The following KSR2 variants were observed in gnomAD, a reference collection of about 807,000 sequenced individuals.
KSR2 encodes kinase suppressor of ras 2.
In KSR2, 25 loss-of-function variants were observed where a neutral mutation model predicts 107.8. That is an observed-to-expected ratio of 0.23 (90% CI 0.17 to 0.32). The LOEUF is 0.32. KSR2 is among the 10% of genes least tolerant of loss of function. The probability of loss-of-function intolerance (pLI) is 1.00; values close to 1 mark genes in which losing one functional copy is unlikely to be tolerated. For missense variants in KSR2, 887 were observed against 1,268.9 expected (o/e 0.70, Z 4.57); for synonymous variants, 480 against 507.0 (o/e 0.95, Z 0.71).
chr12:117,857,993 G>A lies in KSR2; in HGVS notation c.321+2298C>T, dbSNP rs142835126. On this transcript the variant is annotated intron_variant, in intron 2 of 19. Transcript: ENST00000339824. ...AGAGCCAAAACTCAGGTACCTGCAGGTCAGGTAAATGTAAATGAGCAAATC... is the reference window on the plus strand; with the variant it reads ...AGAGCCAAAACTCAGGTACCTGCAGATCAGGTAAATGTAAATGAGCAAATC... Among the ~76,000 whole-genome samples, 540 of 152,328 alleles carry A rather than the reference G, an allele frequency of 3.5e-3. 1 individual carries two copies. The highest frequency in any genetic ancestry group is 5.2e-3 in the Non-Finnish European group (352 of 68,034).
At chr12:117,505,822 AC>A (rs1873647396) in intron 14 of KSR2, among the ~76,000 whole-genome samples, 1 of 152,110 alleles carries the variant, frequency 6.6e-6, no homozygotes, top group Non-Finnish European at 1.5e-5. Flanking sequence ...TACCAAGAAC[AC>A]CCTTCCTCTA....
chr12:117,777,175 CTATA>C (rs56862811), intron 3 of KSR2, among the ~76,000 whole-genome samples: 11 of 136,812 alleles, frequency 8.0e-5, no homozygotes, highest in African/African-American at 2.8e-4. Context: ...CATATATACA[CTATA>C]TATATATATA....
Position 117,467,181 on chromosome 12 carries a change from C to T in KSR2, c.*18G>A, listed in dbSNP as rs758117480. 1.1e-5 allele frequency: 8 copies of T among 713,978 alleles called. No individual in the cohort carries two copies. The highest frequency in any genetic ancestry group is 1.1e-4 in the East Asian group (4 of 36,192). The allele number at this position is 713,978 out of a possible 1,614,324, so 44.2% of individuals were successfully genotyped here. A position where few individuals can be genotyped will look rare whatever the true frequency, so the allele number is the denominator to read the frequency against. On this transcript the variant is annotated 3_prime_UTR_variant, in exon 20 of 20. Transcript: ENST00000339824. Reference sequence around the variant, plus strand: ...GACGGGAGCCCAGGCAGCTGGGCGCCGTCCCGATGTCCAAAGGTCACAGCC... The same window carrying T: ...GACGGGAGCCCAGGCAGCTGGGCGCTGTCCCGATGTCCAAAGGTCACAGCC...
chr12:117,723,518 G>A (rs1887295038), intron 4 of KSR2, among the ~76,000 whole-genome samples: 1 of 152,038 alleles, frequency 6.6e-6, no homozygotes, highest in African/African-American at 2.4e-5. Flanking sequence ...TGACAAGGCT[G>A]GAATGGGAAC....
At chr12:117,864,134 G>A (rs1329351383) in intron 1 of KSR2, among the ~76,000 whole-genome samples, 1 of 152,128 alleles carries the variant, frequency 6.6e-6, no homozygotes, top group Non-Finnish European at 1.5e-5. Context: ...CTGGAGGAGA[G>A]GGGAGGGGCT....
intron 3 of KSR2, among the ~76,000 whole-genome samples, chr12:117,804,625 G>T (rs1193970281): frequency 1.3e-5 from 2 of 152,030 alleles, no homozygotes; most frequent in Non-Finnish European, 2.9e-5. Context: ...ATCTCCTTGA[G>T]AAAGACAAAG....
intron 1 of KSR2, among the ~76,000 whole-genome samples, chr12:117,951,787 A>G (rs1896372136): frequency 6.6e-6 from 1 of 152,158 alleles, no homozygotes; most frequent in Non-Finnish European, 1.5e-5. Flanking sequence ...AGAGAGCAAA[A>G]TCAAAGGAGG....
intron 5 of KSR2, among the ~76,000 whole-genome samples, chr12:117,613,459 A>T (rs1270326957): frequency 1.3e-5 from 2 of 152,028 alleles, no homozygotes; most frequent in Non-Finnish European, 2.9e-5. Flanking sequence ...TGGTTTTGCC[A>T]CCCGAGGCTG....
intron 5 of KSR2, among the ~76,000 whole-genome samples, chr12:117,608,096 G>A (rs1233824544): frequency 6.6e-6 from 1 of 152,222 alleles, no homozygotes; most frequent in African/African-American, 2.4e-5. Context: ...TGGAGCAAAC[G>A]ATTAAGGCTT....
intron 9 of KSR2, among the ~76,000 whole-genome samples, chr12:117,543,229 T>C (rs1344292999): frequency 6.6e-6 from 1 of 152,236 alleles, no homozygotes; most frequent in East Asian, 1.9e-4. Context: ...GCTGCACCAT[T>C]TTACACCAGC....
intron 4 of KSR2, among the ~76,000 whole-genome samples, chr12:117,714,409 GA>G (rs1433592171): frequency 6.6e-6 from 1 of 152,160 alleles, no homozygotes; most frequent in African/African-American, 2.4e-5. Flanking sequence ...GCAAAGAGGG[GA>G]AAGATTCTCA....
At chr12:117,962,893 T>C (rs1165950093) in intron 1 of KSR2, among the ~76,000 whole-genome samples, 3 of 151,796 alleles carry the variant, frequency 2.0e-5, no homozygotes, top group Admixed American at 1.3e-4. Flanking sequence ...ATTAGAAAAC[T>C]GCCCCACCAG....
chr12:117,493,082 G>A (rs1428485165), intron 14 of KSR2, among the ~76,000 whole-genome samples: 3 of 152,152 alleles, frequency 2.0e-5, no homozygotes, highest in Non-Finnish European at 4.4e-5. Flanking sequence ...CTCGTGAGCA[G>A]ATGGGAGGTT....
chr12:117,734,346 T>G (rs1248615179), intron 4 of KSR2, among the ~76,000 whole-genome samples: 1 of 150,940 alleles, frequency 6.6e-6, no homozygotes, highest in Non-Finnish European at 1.5e-5. Context: ...CTCTGGAATG[T>G]ACAGAGAGAA....
chr12:117,884,634 T>G (rs908948049), intron 1 of KSR2, among the ~76,000 whole-genome samples: 2 of 152,148 alleles, frequency 1.3e-5, no homozygotes, highest in Non-Finnish European at 2.9e-5. Flanking sequence ...ATCTTCTAAT[T>G]CTGGTGGATG....
intron 3 of KSR2, among the ~76,000 whole-genome samples, chr12:117,771,283 A>C (rs1889441787): frequency 6.6e-6 from 1 of 152,174 alleles, no homozygotes; most frequent in African/African-American, 2.4e-5. Context: ...TCAGAAACTC[A>C]AAAGAATGCA....
intron 14 of KSR2, among the ~76,000 whole-genome samples, chr12:117,493,386 A>C (rs1207856782): frequency 1.3e-5 from 2 of 152,072 alleles, no homozygotes; most frequent in Non-Finnish European, 2.9e-5. Flanking sequence ...GGTCCCATAT[A>C]GTCTGGCTCA....
intron 14 of KSR2, among the ~76,000 whole-genome samples, chr12:117,510,423 A>G (rs1177878145): frequency 6.6e-6 from 1 of 152,162 alleles, no homozygotes; most frequent in African/African-American, 2.4e-5. Context: ...AGGTGAGGTG[A>G]TTTTGTCCAA....
intron 1 of KSR2, among the ~76,000 whole-genome samples, chr12:117,920,616 G>C (rs143749220): frequency 2.8e-4 from 42 of 152,224 alleles, no homozygotes; most frequent in African/African-American, 8.4e-4. Context: ...GCCCATGGGG[G>C]AGATACAGTT....
Sources: allele counts gnomAD v4.1 joint callset (sites outside exome capture counted in the v4.1 genomes callset), GRCh38; gene constraint gnomAD v4.1.1; transcripts MANE v1.5; gene names NCBI Gene and HGNC (gene_info 2026-07-23, HGNC 2026-07-21).